Variants in SPIRE1 observed in about 807,000 individuals in gnomAD.
The protein encoded by SPIRE1 is spire type actin nucleation factor 1, also known as protein spire homolog 1.
Under a neutral mutation model 94.1 loss-of-function variants are expected in SPIRE1, and 40 were observed. The observed-to-expected ratio is 0.43, with a 90% CI of 0.33 to 0.55. The LOEUF (loss-of-function observed/expected upper bound fraction) is 0.55. Among genes scored for constraint, SPIRE1 ranks in the 20% least tolerant of loss-of-function variants. The probability of loss-of-function intolerance (pLI) is 0.06; values close to 1 mark genes in which losing one functional copy is unlikely to be tolerated. For synonymous variants in SPIRE1, 376 were observed against 371.7 expected (o/e 1.01, Z -0.13); for missense variants, 838 against 975.2 (o/e 0.86, Z 1.87).
At chr18:12,640,332 C>T (rs2038051655) in intron 1 of SPIRE1, among the ~76,000 whole-genome samples, 1 of 152,142 alleles carries the variant, frequency 6.6e-6, no homozygotes, top group Non-Finnish European at 1.5e-5. Context: ...ATGTTTCAGT[C>T]CCTCTAACCA....
intron 13 of SPIRE1, among the ~76,000 whole-genome samples, chr18:12,454,010 C>T (rs2031379600): frequency 6.6e-6 from 1 of 152,110 alleles, no homozygotes; most frequent in Admixed American, 6.5e-5. Context: ...GTCTTGATAT[C>T]CCAACCTCGT....
intron 9 of SPIRE1, among the ~76,000 whole-genome samples, chr18:12,482,433 G>A (rs897753352): frequency 1.3e-5 from 2 of 151,916 alleles, no homozygotes; most frequent in Non-Finnish European, 2.9e-5. Flanking sequence ...ATGAGACACC[G>A]CACCAGGCCC....
intron 6 of SPIRE1, among the ~76,000 whole-genome samples, chr18:12,500,285 G>A (rs1288036916): frequency 1.3e-5 from 2 of 152,138 alleles, no homozygotes; most frequent in African/African-American, 2.4e-5. Context: ...AAATTAAAAT[G>A]TAAAAAAATG....
chr18:12,630,534 C>T (rs1365102971), intron 2 of SPIRE1, among the ~76,000 whole-genome samples: 2 of 152,222 alleles, frequency 1.3e-5, no homozygotes, highest in Non-Finnish European at 2.9e-5. Flanking sequence ...TGGCACATGC[C>T]TGTAATCTCA....
intron 2 of SPIRE1, among the ~76,000 whole-genome samples, chr18:12,601,879 G>A (rs1218731718): frequency 6.6e-6 from 1 of 151,982 alleles, no homozygotes; most frequent in Non-Finnish European, 1.5e-5. Flanking sequence ...CTTATACCTG[G>A]CACAACAAGA....
At chr18:12,609,407 A>T (rs1176712292) in intron 2 of SPIRE1, among the ~76,000 whole-genome samples, 1 of 151,980 alleles carries the variant, frequency 6.6e-6, no homozygotes, top group Non-Finnish European at 1.5e-5. Context: ...AGGTGGGAGT[A>T]CTTATAGCAC....
At chr18:12,549,687 G>A (rs2035291409) in intron 2 of SPIRE1, among the ~76,000 whole-genome samples, 1 of 151,788 alleles carries the variant, frequency 6.6e-6, no homozygotes, top group African/African-American at 2.4e-5. Flanking sequence ...CTGACCTCGT[G>A]ATCCGCCTGC....
chr18:12,556,566 C>G (rs2035512019), intron 2 of SPIRE1, among the ~76,000 whole-genome samples: 1 of 152,326 alleles, frequency 6.6e-6, no homozygotes, highest in African/African-American at 2.4e-5. Flanking sequence ...TCCGGAGTTT[C>G]TTCCTTCTGG....
chr18:12,652,253 T>C (rs955300934), intron 1 of SPIRE1, among the ~76,000 whole-genome samples: 1 of 152,198 alleles, frequency 6.6e-6, no homozygotes, highest in African/African-American at 2.4e-5. Flanking sequence ...TGTGCTCTAA[T>C]TGCTAGTCAG....
chr18:12,623,129 A>G (rs568771510), intron 2 of SPIRE1, among the ~76,000 whole-genome samples: 2 of 151,096 alleles, frequency 1.3e-5, no homozygotes, highest in Non-Finnish European at 2.9e-5. Context: ...TTTACCCTTC[A>G]AGATGTTTTA....
chr18:12,492,866 T>C (rs959474666), intron 8 of SPIRE1, among the ~76,000 whole-genome samples: 2 of 152,124 alleles, frequency 1.3e-5, no homozygotes, highest in African/African-American at 4.8e-5. Context: ...TTTCCCACCC[T>C]ATAAATTTCA....
chr18:12,638,221 G>A (rs2037990325), intron 1 of SPIRE1, among the ~76,000 whole-genome samples: 1 of 152,176 alleles, frequency 6.6e-6, no homozygotes, highest in East Asian at 1.9e-4. Flanking sequence ...GAGGTGGGAG[G>A]ATTGTTTGAG....
chr18:12,658,720 C>T, upstream of SPIRE1: 2 of 416,596 alleles, frequency 4.8e-6, no homozygotes, highest in Non-Finnish European at 1.0e-5. Context: ...CCGCTCTGCG[C>T]GTTTTCCGAT....
At chr18:12,552,994 G>A (rs771900736) in intron 2 of SPIRE1, among the ~76,000 whole-genome samples, 1 of 152,164 alleles carries the variant, frequency 6.6e-6, no homozygotes, top group South Asian at 2.1e-4. Context: ...CTGCTGCCTT[G>A]AACAGAAGGA....
intron 1 of SPIRE1, among the ~76,000 whole-genome samples, chr18:12,654,677 C>T (rs940683810): frequency 6.6e-6 from 1 of 151,574 alleles, no homozygotes; most frequent in Admixed American, 6.6e-5. Context: ...ATTATTTTTA[C>T]TTATTTTCCC....
intron 10 of SPIRE1, among the ~76,000 whole-genome samples, chr18:12,474,634 C>A (rs1188615875): frequency 1.3e-5 from 2 of 152,110 alleles, no homozygotes; most frequent in Non-Finnish European, 2.9e-5. Context: ...CCAGTCTGGC[C>A]AACATGGTGA....
At chr18:12,624,656 G>A (rs2037570933) in intron 2 of SPIRE1, among the ~76,000 whole-genome samples, 1 of 150,438 alleles carries the variant, frequency 6.6e-6, no homozygotes, top group African/African-American at 2.4e-5. Context: ...CCAACATGAT[G>A]AAACCCCATC....
chr18:12,506,382 C>A (rs1008109187), intron 6 of SPIRE1, 95 bp downstream of exon 6: 1 of 1,081,028 alleles, frequency 9.3e-7, no homozygotes. Context: ...TGGTCTTGAA[C>A]TCCTGACCTC....
At chr18:12,494,838 CAAAAAAA>C (rs71172091) in intron 7 of SPIRE1, among the ~76,000 whole-genome samples, 2 of 32,012 alleles carry the variant, frequency 6.2e-5, no homozygotes, top group Non-Finnish European at 1.0e-4. Context: ...GACTCCATCT[CAAAAAAA>C]AAAAAAAAAA....
Sources: gnomAD v4.1 joint callset for allele counts (sites outside exome capture counted in the v4.1 genomes callset) on GRCh38, gnomAD v4.1.1 for gene constraint, MANE v1.5 for transcripts, NCBI Gene and HGNC (gene_info 2026-07-23, HGNC 2026-07-21) for gene names.